Variants in HDAC4 observed in about 807,000 individuals in gnomAD.
The protein encoded by HDAC4 is histone deacetylase A.
HDAC4 carries 16 observed loss-of-function variants against 135.1 expected under a neutral mutation model. The observed-to-expected ratio is 0.12, with a 90% confidence interval of 0.08 to 0.18. The LOEUF is 0.18. Among genes scored for constraint, HDAC4 ranks in the 10% least tolerant of loss-of-function variants. The probability of loss-of-function intolerance (pLI) is 1.00; values close to 1 mark genes in which losing one functional copy is unlikely to be tolerated. For missense variants in HDAC4, 1,143 were observed against 1,511.8 expected (o/e 0.76, Z 4.05); for synonymous variants, 685 against 653.4 (o/e 1.05, Z -0.74).
intron 11 of HDAC4, among the ~76,000 whole-genome samples, chr2:239,132,691 C>A (rs186450993): frequency 2.3e-3 from 353 of 152,340 alleles, no homozygotes; most frequent in Non-Finnish European, 3.9e-3. Context: ...TATCCAGGTT[C>A]TATCAAAAAG....
chr2:239,236,876 G>A (rs1372078938), intron 2 of HDAC4, among the ~76,000 whole-genome samples: 2 of 151,966 alleles, frequency 1.3e-5, no homozygotes, highest in African/African-American at 4.8e-5. Context: ...TATGGCAAAC[G>A]CCCGTTTCTG....
chr2:239,197,780 G>A (rs1335803924), intron 3 of HDAC4, among the ~76,000 whole-genome samples: 1 of 151,440 alleles, frequency 6.6e-6, no homozygotes, highest in Admixed American at 6.6e-5. Context: ...ATGTCATCCT[G>A]TTCATATTTC....
intron 17 of HDAC4, chr2:239,094,008 G>A: frequency 1.0e-6 from 1 of 985,398 alleles, no homozygotes; most frequent in Non-Finnish European, 1.2e-6. Flanking sequence ...AAAAACTCAG[G>A]AAGAAAACAA....
intron 2 of HDAC4, among the ~76,000 whole-genome samples, chr2:239,340,805 C>T (rs1439617967): frequency 6.6e-6 from 1 of 152,154 alleles, no homozygotes; most frequent in Non-Finnish European, 1.5e-5. Flanking sequence ...AGGCCAGGCA[C>T]CCTGGCCCCA....
At chr2:239,279,035 T>A (rs1175753900) in intron 2 of HDAC4, among the ~76,000 whole-genome samples, 2 of 152,116 alleles carry the variant, frequency 1.3e-5, no homozygotes, top group Non-Finnish European at 2.9e-5. Context: ...GAAAGAAAAG[T>A]GGGGCTGGTG....
rs2030450197 is a variant in HDAC4 at position 239,049,239 on chromosome 2, C to A, written c.*3858G>T. 2 of 152,460 alleles carry A rather than the reference C, an allele frequency of 1.3e-5. No individual in the cohort carries two copies. The highest frequency in any genetic ancestry group is 2.4e-5 in the African/African-American group (1 of 41,402). 9.4% of individuals were successfully genotyped at this position (152,460 alleles called of 1,614,324 possible). ...AAGTACAATTTCTTAAGAATAAGTT[C>A]AATAAGACGCAAACTTCCCCGCCCT... On this transcript the variant is annotated 3_prime_UTR_variant, in exon 27 of 27. Coordinates refer to ENST00000543185, the MANE Select transcript of HDAC4 (RefSeq NM_001378414.1).
At chr2:239,382,625 C>A (rs1026731489) in intron 1 of HDAC4, among the ~76,000 whole-genome samples, 22 of 152,260 alleles carry the variant, frequency 1.4e-4, no homozygotes, top group Non-Finnish European at 1.3e-4. Flanking sequence ...GACTCCTCCC[C>A]ACAAAGGGGA....
intron 3 of HDAC4, among the ~76,000 whole-genome samples, chr2:239,204,823 C>A (rs1189041136): frequency 6.6e-6 from 1 of 152,200 alleles, no homozygotes; most frequent in Non-Finnish European, 1.5e-5. Context: ...GCTGAGACCA[C>A]GGAGGGGCCT....
intron 3 of HDAC4, among the ~76,000 whole-genome samples, chr2:239,203,114 G>T (rs936916926): frequency 6.6e-6 from 1 of 152,170 alleles, no homozygotes; most frequent in Non-Finnish European, 1.5e-5. Context: ...AGAAGCTACC[G>T]CGAAAAGGCC....
chr2:239,210,321 AAAAAAC>A (rs1280628835), intron 3 of HDAC4, among the ~76,000 whole-genome samples: 1 of 152,200 alleles, frequency 6.6e-6, no homozygotes, highest in Non-Finnish European at 1.5e-5. Context: ...AAAAAAACAC[AAAAAAC>A]AAAAACAAAA....
rs878928794 is a variant in HDAC4 at position 239,053,375 on chromosome 2, A to G, written c.3230+85T>C. ...TAGTCTGTTGGGCAGGGCATGTGCC[A>G]TAAAGGTTCTGACCCTGAATAGTGT... On this transcript the variant is annotated intron_variant, in intron 26 of 26. Transcript: ENST00000543185. 3.9e-6 allele frequency: 6 copies of G among 1,539,180 alleles called. No homozygotes were observed. In the South Asian group the frequency reaches 7.2e-5, roughly 19 times the overall value.
chr2:239,242,207 G>A (rs893014058), intron 2 of HDAC4, among the ~76,000 whole-genome samples: 2 of 136,570 alleles, frequency 1.5e-5, no homozygotes, highest in African/African-American at 5.7e-5. Flanking sequence ...GAGAAAGAGA[G>A]AGGACGAGAG....
intron 1 of HDAC4, among the ~76,000 whole-genome samples, chr2:239,366,459 G>A (rs1447849962): frequency 6.6e-6 from 1 of 152,238 alleles, no homozygotes; most frequent in African/African-American, 2.4e-5. Flanking sequence ...CAGATGCCTA[G>A]GTGTGTTTAT....
intron 3 of HDAC4, among the ~76,000 whole-genome samples, chr2:239,228,240 A>G (rs1440681772): frequency 6.6e-6 from 1 of 152,138 alleles, no homozygotes; most frequent in Non-Finnish European, 1.5e-5. Flanking sequence ...CCAGGTGAGG[A>G]GCAGCCTGCT....
intron 2 of HDAC4, among the ~76,000 whole-genome samples, chr2:239,335,528 A>C (rs1404794295): frequency 6.8e-6 from 1 of 148,038 alleles, no homozygotes; most frequent in Non-Finnish European, 1.5e-5. Context: ...AAAAAAAAAA[A>C]AACACCATTA....
At chr2:239,384,613 TCTCAG>T (rs903786808) in intron 1 of HDAC4, among the ~76,000 whole-genome samples, 1 of 151,956 alleles carries the variant, frequency 6.6e-6, no homozygotes, top group African/African-American at 2.4e-5. Flanking sequence ...CAAGGCTCTA[TCTCAG>T]AAAAAGGCAA....
chr2:239,342,335 G>C (rs568256033), intron 2 of HDAC4, among the ~76,000 whole-genome samples: 1 of 151,744 alleles, frequency 6.6e-6, no homozygotes, highest in Non-Finnish European at 1.5e-5. Flanking sequence ...CAAACTCAAA[G>C]AGCTAATTTG....
intron 2 of HDAC4, among the ~76,000 whole-genome samples, chr2:239,318,473 C>T (rs1190524053): frequency 5.3e-5 from 8 of 152,140 alleles, no homozygotes; most frequent in Non-Finnish European, 7.3e-5. Flanking sequence ...CCCTGCAGGG[C>T]CTGTCATCTG....
At chr2:239,076,351 G>C (rs2034762990) in intron 22 of HDAC4, among the ~76,000 whole-genome samples, 1 of 152,214 alleles carries the variant, frequency 6.6e-6, no homozygotes, top group East Asian at 1.9e-4. Flanking sequence ...TGTGTCACGG[G>C]GCACGTCTAG....
Sources: gnomAD v4.1 joint callset for allele counts (sites outside exome capture counted in the v4.1 genomes callset) on GRCh38, gnomAD v4.1.1 for gene constraint, MANE v1.5 for transcripts, NCBI Gene and HGNC (gene_info 2026-07-23, HGNC 2026-07-21) for gene names.